TBX20: variants seen among roughly 807,000 people sequenced by gnomAD.
TBX20 encodes the protein T-box transcription factor 20.
Under a neutral mutation model 42.9 loss-of-function variants are expected in TBX20, and 8 were observed. That is an observed-to-expected ratio of 0.19 (90% CI 0.11 to 0.34). TBX20 has a LOEUF of 0.34. TBX20 is among the 10% of genes least tolerant of loss of function. The probability of loss-of-function intolerance (pLI) is 1.00; values close to 1 mark genes in which losing one functional copy is unlikely to be tolerated. For synonymous variants in TBX20, 198 were observed against 222.8 expected (o/e 0.89, Z 0.99); for missense variants, 411 against 566.0 (o/e 0.73, Z 2.78).
At chr7:35,209,676 A>C (rs1303675628) in intron 6 of TBX20, among the ~76,000 whole-genome samples, 1 of 151,984 alleles carries the variant, frequency 6.6e-6, no homozygotes, top group Non-Finnish European at 1.5e-5. Flanking sequence ...TCTGATATTT[A>C]TTATTTTCTT....
At chr7:35,203,702 C>T (rs1789346021) in intron 7 of TBX20, among the ~76,000 whole-genome samples, 1 of 152,226 alleles carries the variant, frequency 6.6e-6, no homozygotes, top group Non-Finnish European at 1.5e-5. Flanking sequence ...TTGGACCACA[C>T]AGGAGTTGGT....
intron 4 of TBX20, among the ~76,000 whole-genome samples, chr7:35,243,721 C>A (rs1184308420): frequency 6.6e-6 from 1 of 151,796 alleles, no homozygotes; most frequent in Admixed American, 6.6e-5. Flanking sequence ...GAAAATTATG[C>A]CAATAACCTT....
At chr7:35,241,785 AAAC>A (rs1328612857) in intron 4 of TBX20, among the ~76,000 whole-genome samples, 2 of 152,344 alleles carry the variant, frequency 1.3e-5, no homozygotes, top group African/African-American at 4.8e-5. Flanking sequence ...CAGAAATCAT[AAAC>A]ACACCCTTGT....
At chr7:35,234,511 TTC>T (rs1234399781) in intron 5 of TBX20, among the ~76,000 whole-genome samples, 1 of 152,220 alleles carries the variant, frequency 6.6e-6, no homozygotes, top group Non-Finnish European at 1.5e-5. Flanking sequence ...TCTTCGAATT[TTC>T]TCTCATTATG....
intron 6 of TBX20, among the ~76,000 whole-genome samples, chr7:35,222,263 C>T (rs1789695948): frequency 6.6e-6 from 1 of 152,012 alleles, no homozygotes; most frequent in Non-Finnish European, 1.5e-5. Flanking sequence ...ATAAAAAATA[C>T]ATATATAGCC....
chr7:35,220,728 A>C (rs1789668183), intron 6 of TBX20, among the ~76,000 whole-genome samples: 1 of 152,254 alleles, frequency 6.6e-6, no homozygotes, highest in African/African-American at 2.4e-5. Context: ...ATTACAAAAT[A>C]TTCAACAGTT....
chr7:35,203,739 T>C (rs1014663454), intron 7 of TBX20, among the ~76,000 whole-genome samples: 3 of 152,162 alleles, frequency 2.0e-5, no homozygotes, highest in African/African-American at 7.2e-5. Flanking sequence ...TGTTCAAGAG[T>C]CAACTGTAAT....
chr7:35,212,271 A>AT (rs1357366230), intron 6 of TBX20, among the ~76,000 whole-genome samples: 2 of 152,042 alleles, frequency 1.3e-5, no homozygotes, highest in Non-Finnish European at 2.9e-5. Context: ...TGTGACTTTG[A>AT]TTTTTGGTAA....
At position 35,208,565 on chromosome 7, in the gene TBX20, A is replaced by C. The variant is rs182251419; in HGVS notation, c.891-3983T>G. 1.9e-3 allele frequency among the ~76,000 whole-genome samples: 291 copies of C among 152,088 alleles called. 1 individual carries two copies. Among genetic ancestry groups the C allele is most frequent in the African/African-American group, 6.9e-3 (285 of 41,492 alleles). ...CAAGACCAGCCTGACCAACATGGAG[A>C]AACCCCGTCTCTACTAAAAATACAA... On this transcript the variant is annotated intron_variant, in intron 6 of 7. Transcript: ENST00000408931.
intron 5 of TBX20, among the ~76,000 whole-genome samples, chr7:35,237,817 C>G (rs1789995446): frequency 6.6e-6 from 1 of 151,942 alleles, no homozygotes; most frequent in African/African-American, 2.4e-5. Flanking sequence ...TAAGGATGAT[C>G]ATCATCGTGT....
At position 35,203,100 on chromosome 7, in the gene TBX20, T is replaced by C. The variant is rs147646254; in HGVS notation, c.1004-330A>G. Among the ~76,000 whole-genome samples, 576 of 152,242 alleles carry C rather than the reference T, an allele frequency of 3.8e-3. 3 individuals are homozygous for C. The highest frequency in any genetic ancestry group is 0.013 in the African/African-American group (538 of 41,534). ...TAAAAAAAGCTGCAAATACCTGATATCTGTTCTGACCTCTGTAGTGTCCTA... is the reference window on the plus strand; with the variant it reads ...TAAAAAAAGCTGCAAATACCTGATACCTGTTCTGACCTCTGTAGTGTCCTA... On this transcript the variant is annotated intron_variant, in intron 7 of 7. Transcript: ENST00000408931.
At chr7:35,219,188 A>G (rs1789639904) in intron 6 of TBX20, among the ~76,000 whole-genome samples, 1 of 152,128 alleles carries the variant, frequency 6.6e-6, no homozygotes, top group Non-Finnish European at 1.5e-5. Context: ...CTCTTACAGA[A>G]TGTGGGTCTC....
intron 6 of TBX20, among the ~76,000 whole-genome samples, chr7:35,210,052 C>T (rs1789466278): frequency 2.0e-5 from 3 of 151,740 alleles, no homozygotes; most frequent in Middle Eastern, 3.5e-3. Flanking sequence ...TTTATTGAGA[C>T]TTCTTTTGCG....
At chr7:35,223,787 G>A (rs1281492716) in intron 6 of TBX20, among the ~76,000 whole-genome samples, 1 of 152,156 alleles carries the variant, frequency 6.6e-6, no homozygotes, top group East Asian at 1.9e-4. Context: ...AATGGGAAAA[G>A]AGAACATACA....
At chr7:35,243,602 A>G (rs1049410300) in intron 4 of TBX20, among the ~76,000 whole-genome samples, 8 of 152,210 alleles carry the variant, frequency 5.3e-5, no homozygotes, top group Non-Finnish European at 1.0e-4. Context: ...AAATTTTAAT[A>G]TAAATGACAT....
At chr7:35,242,488 C>A (rs1790102362) in intron 4 of TBX20, among the ~76,000 whole-genome samples, 1 of 152,158 alleles carries the variant, frequency 6.6e-6, no homozygotes, top group Non-Finnish European at 1.5e-5. Context: ...ACATTTTCCT[C>A]CTATCACTAA....
At chr7:35,211,518 G>A (rs1479661559) in intron 6 of TBX20, among the ~76,000 whole-genome samples, 4 of 152,246 alleles carry the variant, frequency 2.6e-5, no homozygotes, top group Non-Finnish European at 5.9e-5. Context: ...CTAGTTAACA[G>A]ACTTGATTTC....
Position 35,202,484 on chromosome 7 carries a change from A to G in TBX20, c.1290T>C (p.Tyr430=). 1 of 1,608,008 alleles carries G rather than the reference A, an allele frequency of 6.2e-7. No individual in the cohort carries two copies. Among genetic ancestry groups the G allele is most frequent in the Non-Finnish European group, 8.5e-7 (1 of 1,177,146 alleles). The change falls in exon 8 of 8, where the codon TAT becomes TAC. Residue 430 remains tyrosine, a synonymous_variant. Transcript: ENST00000408931. The part of the protein sequence containing the change: ...RYHHYFQQGP[Y]AAIQGLRHSS... ...AATGGCGTAGTCCTTGAATGGCAGC[A>G]TAGGGCCCCTGCTGAAAATAGTGAT...
chr7:35,204,595 G>A lies in TBX20; in HGVS notation c.891-13C>T, dbSNP rs1353263423. 3.1e-6 allele frequency: 5 copies of A among 1,588,664 alleles called. No individual in the cohort carries two copies. Among genetic ancestry groups the A allele is most frequent in the Non-Finnish European group, 4.3e-6 (5 of 1,157,346 alleles). On this transcript the variant is annotated splice_polypyrimidine_tract_variant and intron_variant, in intron 6 of 7. Transcript: ENST00000408931. ...CTCCACACTTTCCCTAGGTTAGAGT[G>A]ACATATCACAGGTTAAGTAAAATGT...
Sources: gnomAD v4.1 joint callset for allele counts (sites outside exome capture counted in the v4.1 genomes callset) on GRCh38, gnomAD v4.1.1 for gene constraint, MANE v1.5 for transcripts, NCBI Gene and HGNC (gene_info 2026-07-23, HGNC 2026-07-21) for gene names.